The following SOS1 variants were observed in gnomAD, a reference collection of about 807,000 sequenced individuals.
SOS1 encodes the protein son of sevenless homolog 1.
In SOS1, 25 loss-of-function variants were observed where a neutral mutation model predicts 157.6. That is an observed-to-expected ratio of 0.16 (90% CI 0.12 to 0.22). The LOEUF is 0.22. Among genes scored for constraint, SOS1 ranks in the 10% least tolerant of loss-of-function variants. SOS1 has a pLI of 1.00. For missense variants in SOS1, 1,237 were observed against 1,599.1 expected (o/e 0.77, Z 3.86); for synonymous variants, 528 against 534.0 (o/e 0.99, Z 0.16).
At chr2:39,001,127 T>C (rs1669083643) in intron 17 of SOS1, among the ~76,000 whole-genome samples, 1 of 152,210 alleles carries the variant, frequency 6.6e-6, no homozygotes, top group Non-Finnish European at 1.5e-5. Context: ...GGTGCGATCT[T>C]GGCTTACTAC....
chr2:39,057,987 CTT>C (rs780355162), intron 3 of SOS1, among the ~76,000 whole-genome samples: 9 of 151,974 alleles, frequency 5.9e-5, no homozygotes, highest in Non-Finnish European at 1.3e-4. Flanking sequence ...ATAATAATAA[CTT>C]TGTTGAATAA....
intron 1 of SOS1, among the ~76,000 whole-genome samples, chr2:39,100,154 T>G (rs1572892017): frequency 6.6e-6 from 1 of 152,316 alleles, no homozygotes; most frequent in East Asian, 1.9e-4. Context: ...ATGACTCTTT[T>G]GGTAAGAGAT....
chr2:38,992,516 G>A (rs1448488118), intron 20 of SOS1: 1 of 152,162 alleles, frequency 6.6e-6, no homozygotes, highest in Non-Finnish European at 1.5e-5. Flanking sequence ...AACAAAGCAG[G>A]ATCCAGAGCA....
At chr2:39,104,195 T>C (rs759640948) in intron 1 of SOS1, among the ~76,000 whole-genome samples, 40 of 152,056 alleles carry the variant, frequency 2.6e-4, no homozygotes, top group Non-Finnish European at 5.0e-4. Flanking sequence ...GGCAGGAGAA[T>C]TGCTTGAACC....
At position 39,011,559 on chromosome 2, in the gene SOS1, T is replaced by G. The variant is rs905058982; in HGVS notation, c.2390+567A>C. On this transcript the variant is annotated intron_variant, in intron 14 of 22. Coordinates refer to ENST00000402219, the MANE Select transcript of SOS1 (RefSeq NM_005633.4). ...GGAGATCTATAAATTTATCTCATTT[T>G]CTCATTTAGTTATTAAAAAGTGAAT... Among the ~76,000 whole-genome samples the G allele has an allele frequency of 5.6e-4, 86 of 152,308 alleles. 1 individual carries two copies. The highest frequency in any genetic ancestry group is 2.0e-3 in the African/African-American group (84 of 41,576).
intron 6 of SOS1, among the ~76,000 whole-genome samples, chr2:39,038,984 T>G (rs1253469425): frequency 6.6e-6 from 1 of 152,040 alleles, no homozygotes; most frequent in Non-Finnish European, 1.5e-5. Context: ...AACCCCATTG[T>G]TGCTTATTAT....
intron 6 of SOS1, among the ~76,000 whole-genome samples, chr2:39,046,961 C>T (rs988189667): frequency 6.6e-6 from 1 of 151,936 alleles, no homozygotes; most frequent in African/African-American, 2.4e-5. Context: ...GTTTTTATTC[C>T]TCACTTCTTC....
At chr2:39,117,307 G>A (rs184493251) in intron 1 of SOS1, among the ~76,000 whole-genome samples, 14 of 152,124 alleles carry the variant, frequency 9.2e-5, no homozygotes, top group Non-Finnish European at 1.9e-4. Context: ...GATTACAGGC[G>A]TGAGCCACTG....
chr2:39,114,250 C>G (rs1349697037), intron 1 of SOS1, among the ~76,000 whole-genome samples: 1 of 152,032 alleles, frequency 6.6e-6, no homozygotes, highest in Non-Finnish European at 1.5e-5. Flanking sequence ...TGCGTGCCAC[C>G]AAGCCTGGCT....
chr2:39,100,614 C>T (rs1049256630), intron 1 of SOS1, among the ~76,000 whole-genome samples: 1 of 152,088 alleles, frequency 6.6e-6, no homozygotes, highest in African/African-American at 2.4e-5. Flanking sequence ...AAAAGTCTAA[C>T]ATATAGAAAC....
chr2:39,055,063 G>A (rs910955300), intron 4 of SOS1, among the ~76,000 whole-genome samples: 2 of 152,122 alleles, frequency 1.3e-5, no homozygotes, highest in Non-Finnish European at 2.9e-5. Context: ...TTATCTGTCT[G>A]TCTCTCTTGT....
chr2:39,118,313 A>C (rs1176758453), intron 1 of SOS1, among the ~76,000 whole-genome samples: 1 of 152,228 alleles, frequency 6.6e-6, no homozygotes, highest in Admixed American at 6.5e-5. Flanking sequence ...AACAAATCAA[A>C]GGAAGAAATC....
At chr2:39,014,872 T>C in intron 10 of SOS1, 26 bp from the exon 11 acceptor site, 1 of 1,106,134 alleles carries the variant, frequency 9.0e-7, no homozygotes. Context: ...AAAAATATCT[T>C]ATTAAACTCT....
intron 6 of SOS1, among the ~76,000 whole-genome samples, chr2:39,049,193 C>A (rs1460232235): frequency 2.6e-5 from 4 of 152,228 alleles, no homozygotes; most frequent in Non-Finnish European, 4.4e-5. Context: ...GCTGGGATTA[C>A]AGGCGTGAGC....
chr2:38,990,384 T>C (rs984071997), intron 20 of SOS1, among the ~76,000 whole-genome samples: 2 of 152,088 alleles, frequency 1.3e-5, no homozygotes, highest in South Asian at 2.1e-4. Context: ...AATTCTAATA[T>C]TACCTTTCAG....
rs397517173 is a variant in SOS1 at position 39,054,833 on chromosome 2, CAG to C, written c.511-12_511-11del. On this transcript the variant is annotated splice_polypyrimidine_tract_variant and intron_variant, in intron 4 of 22. Transcript: ENST00000402219. ...ACATATCCATCAATACCTATACAGT[CAG>C]AGATATAAAAAAGTATAATAAAATA... 10 of 1,234,618 alleles carry C rather than the reference CAG, an allele frequency of 8.1e-6. No homozygotes were observed. In the South Asian group the frequency reaches 1.1e-4, roughly 14 times the overall value. The allele number at this position is 1,234,618 out of a possible 1,614,324, so 76.5% of individuals were successfully genotyped here. A position where few individuals can be genotyped will look rare whatever the true frequency, so the allele number is the denominator to read the frequency against.
intron 1 of SOS1, among the ~76,000 whole-genome samples, chr2:39,115,801 C>A (rs1292515505): frequency 6.6e-6 from 1 of 152,190 alleles, no homozygotes; most frequent in Non-Finnish European, 1.5e-5. Flanking sequence ...CTTATTCATT[C>A]ACCTGTTGAC....
chr2:38,990,320 G>A (rs1054242701), intron 20 of SOS1, among the ~76,000 whole-genome samples: 2 of 151,938 alleles, frequency 1.3e-5, no homozygotes, highest in East Asian at 1.9e-4. Context: ...TCTGATTTCC[G>A]TATGTACTGA....
At chr2:39,090,618 C>G (rs1672557720) in intron 1 of SOS1, among the ~76,000 whole-genome samples, 1 of 152,028 alleles carries the variant, frequency 6.6e-6, no homozygotes, top group Non-Finnish European at 1.5e-5. Flanking sequence ...ATTGCTTGAA[C>G]CTGGGAGGTG....
Sources: gnomAD v4.1 joint callset for allele counts (sites outside exome capture counted in the v4.1 genomes callset) on GRCh38, gnomAD v4.1.1 for gene constraint, MANE v1.5 for transcripts, NCBI Gene and HGNC (gene_info 2026-07-23, HGNC 2026-07-21) for gene names.